Variants in BUB1B observed in about 807,000 individuals in gnomAD.
BUB1B encodes BUB1 mitotic checkpoint serine/threonine kinase B.
BUB1B carries 86 observed loss-of-function variants against 137.7 expected under a neutral mutation model. That is an observed-to-expected ratio of 0.62 (90% CI 0.52 to 0.75). The LOEUF is 0.75. Among genes scored for constraint, BUB1B ranks in the 30% least tolerant of loss-of-function variants. The probability of loss-of-function intolerance (pLI) is 0.00; values close to 1 mark genes in which losing one functional copy is unlikely to be tolerated. For synonymous variants in BUB1B, 420 were observed against 417.9 expected (o/e 1.00, Z -0.06); for missense variants, 1,130 against 1,236.9 (o/e 0.91, Z 1.30).
At chr15:40,167,455 G>T (rs940034242) in intron 2 of BUB1B, among the ~76,000 whole-genome samples, 2 of 142,398 alleles carry the variant, frequency 1.4e-5, no homozygotes, top group Admixed American at 1.5e-4. Context: ...TGATTCTCCT[G>T]CCTCAGCCTC....
intron 8 of BUB1B, among the ~76,000 whole-genome samples, chr15:40,193,602 AT>A (rs546453823): frequency 0.025 from 3,602 of 144,528 alleles, 65 homozygotes; most frequent in South Asian, 0.049. Flanking sequence ...TGCCTGGCTA[AT>A]TTTTTTTTTG....
chr15:40,189,013 C>T (rs1457334735), intron 8 of BUB1B, among the ~76,000 whole-genome samples: 3 of 152,120 alleles, frequency 2.0e-5, no homozygotes, highest in Non-Finnish European at 4.4e-5. Context: ...CAGAAAGAAC[C>T]TTGTACCCAT....
At chr15:40,204,141 G>A (rs942671544) in intron 14 of BUB1B, among the ~76,000 whole-genome samples, 3 of 152,070 alleles carry the variant, frequency 2.0e-5, no homozygotes, top group African/African-American at 2.4e-5. Flanking sequence ...AGAGACTAGC[G>A]AGTCTTTTGT....
intron 8 of BUB1B, among the ~76,000 whole-genome samples, chr15:40,194,686 T>G (rs1234005570): frequency 6.6e-6 from 1 of 152,210 alleles, no homozygotes; most frequent in Non-Finnish European, 1.5e-5. Flanking sequence ...TATCTTATAC[T>G]TCATTCTTTT....
Position 40,161,185 on chromosome 15 carries a change from C to T in BUB1B, c.-36C>T. ...GCGGTCTGTGGCCCAGAGGAAAGGC[C>T]TGCAGCAGGACGAGGACCTGAGCCA... On this transcript the variant is annotated 5_prime_UTR_variant, in exon 1 of 23. Coordinates refer to ENST00000287598, the MANE Select transcript of BUB1B (RefSeq NM_001211.6). The T allele has an allele frequency of 6.2e-7, 1 of 1,611,434 alleles. No individual in the cohort carries two copies. Among genetic ancestry groups the T allele is most frequent in the Non-Finnish European group, 8.5e-7 (1 of 1,178,782 alleles).
chr15:40,174,010 GGTT>G, intron 4 of BUB1B: 1 of 405,156 alleles, frequency 2.5e-6, no homozygotes, highest in South Asian at 1.8e-5. Context: ...GCAATTTAAG[GGTT>G]ACCAAAAAAA....
At chr15:40,200,475 G>A (rs754687502) in intron 11 of BUB1B, 116 bp downstream of exon 11, 3 of 729,208 alleles carry the variant, frequency 4.1e-6, no homozygotes, top group Non-Finnish European at 7.1e-6. Context: ...CATGGTTTTT[G>A]TAAGTCTCTG....
At chr15:40,203,602 T>C (rs1490063049) in intron 14 of BUB1B, among the ~76,000 whole-genome samples, 2 of 152,246 alleles carry the variant, frequency 1.3e-5, no homozygotes, top group Non-Finnish European at 2.9e-5. Flanking sequence ...TTTGTACTTT[T>C]AATTTTTTAA....
At position 40,185,142 on chromosome 15, in the gene BUB1B, G is replaced by A. The variant is rs766660913; in HGVS notation, c.752-23G>A. Reference sequence around the variant, plus strand: ...GTTAATAATGAAACATTTTACATGAGGTTTTAATATTTTTGCTCCTAGCTC... The same window carrying A: ...GTTAATAATGAAACATTTTACATGAAGTTTTAATATTTTTGCTCCTAGCTC... On this transcript the variant is annotated intron_variant, in intron 6 of 22. Transcript: ENST00000287598. 6 of 1,580,188 alleles carry A rather than the reference G, an allele frequency of 3.8e-6. No individual in the cohort carries two copies. In the Admixed American group the frequency reaches 1.0e-4, roughly 26 times the overall value.
intron 6 of BUB1B, among the ~76,000 whole-genome samples, chr15:40,184,421 C>T (rs2037334647): frequency 1.3e-5 from 2 of 152,026 alleles, no homozygotes; most frequent in African/African-American, 4.8e-5. Context: ...TCTTTTGCCT[C>T]AGCCTCCCAA....
At chr15:40,210,053 C>T (rs2037691437) in intron 17 of BUB1B, 57 bp from the exon 18 acceptor site, 7 of 1,393,046 alleles carry the variant, frequency 5.0e-6, no homozygotes, top group South Asian at 1.2e-5. Flanking sequence ...GAGGTAAAAG[C>T]TACAGGGCTG....
At chr15:40,208,559 C>A in intron 15 of BUB1B, 78 bp from the exon 16 acceptor site, 3 of 1,398,882 alleles carry the variant, frequency 2.1e-6, no homozygotes, top group African/African-American at 1.4e-5. Flanking sequence ...AAAATGTATA[C>A]ATTAAGAATT....
At chr15:40,185,052 T>TC (rs2037342088) in intron 6 of BUB1B, 113 bp from the exon 7 acceptor site, 1 of 782,392 alleles carries the variant, frequency 1.3e-6, no homozygotes, top group African/African-American at 1.7e-5. Context: ...TTTTTTTTTT[T>TC]CTGTTGTAGT....
chr15:40,203,054 G>C (rs1595529892), intron 14 of BUB1B, among the ~76,000 whole-genome samples: 1 of 151,962 alleles, frequency 6.6e-6, no homozygotes, highest in African/African-American at 2.4e-5. Flanking sequence ...TCTCTGCCCA[G>C]GTATATACTC....
chr15:40,189,065 C>G (rs1432027926), intron 8 of BUB1B, among the ~76,000 whole-genome samples: 1 of 152,066 alleles, frequency 6.6e-6, no homozygotes, highest in Non-Finnish European at 1.5e-5. Flanking sequence ...CAATCCCCAC[C>G]CTAGCAACCA....
chr15:40,180,251 CTTTTTTTTT>C (rs34300396), intron 5 of BUB1B, among the ~76,000 whole-genome samples: 2 of 90,508 alleles, frequency 2.2e-5, no homozygotes, highest in Non-Finnish European at 4.3e-5. Flanking sequence ...CGTTTCGTTT[CTTTTTTTTT>C]TTTTTTTTTT....
rs780078852 is a variant in BUB1B, at chr15:40,217,520, C to T, written c.2703C>T (p.Asn901=). Reference sequence around the variant, plus strand: ...GAATCCACGATCCCTATGATTGTAACAAGAACAATCAAGCTTTGAAGATAG... The same window carrying T: ...GAATCCACGATCCCTATGATTGTAATAAGAACAATCAAGCTTTGAAGATAG... The part of the protein sequence containing the change: ...RNRIHDPYDC[N]KNNQALKIVD... The change falls in exon 21 of 23, where the codon AAC becomes AAT. Residue 901 remains asparagine, a synonymous_variant. Coordinates refer to ENST00000287598, the MANE Select transcript of BUB1B (RefSeq NM_001211.6). The T allele has an allele frequency of 1.2e-6, 2 of 1,613,962 alleles. No individual in the cohort carries two copies. The highest frequency in any genetic ancestry group is 1.1e-5 in the South Asian group (1 of 91,070).
intron 5 of BUB1B, 97 bp from the exon 6 acceptor site, chr15:40,183,617 C>A: frequency 1.9e-6 from 2 of 1,073,236 alleles, no homozygotes; most frequent in Non-Finnish European, 1.4e-6. Flanking sequence ...CTTCCCCCAG[C>A]CTGCTCTTCT....
intron 5 of BUB1B, among the ~76,000 whole-genome samples, chr15:40,180,419 C>G (rs368782974): frequency 8.4e-4 from 127 of 151,376 alleles, no homozygotes; most frequent in African/African-American, 3.0e-3. Flanking sequence ...GCATGCGCCA[C>G]CACACCCGGC....
Sources: allele counts gnomAD v4.1 joint callset (sites outside exome capture counted in the v4.1 genomes callset), GRCh38; gene constraint gnomAD v4.1.1; transcripts MANE v1.5; gene names NCBI Gene and HGNC (gene_info 2026-07-23, HGNC 2026-07-21).